The following SAP130 variants were observed in gnomAD, a reference collection of about 807,000 sequenced individuals.
SAP130 encodes the protein histone deacetylase complex subunit SAP130.
SAP130 carries 16 observed loss-of-function variants against 103.2 expected under a neutral mutation model. The observed-to-expected ratio is 0.16, with a 90% CI of 0.10 to 0.24. The LOEUF is 0.24. Among genes scored for constraint, SAP130 ranks in the 10% least tolerant of loss-of-function variants. SAP130 has a pLI of 1.00. For missense variants in SAP130, 990 were observed against 1,359.7 expected (o/e 0.73, Z 4.28); for synonymous variants, 477 against 497.0 (o/e 0.96, Z 0.53).
At chr2:128,014,180 T>C (rs893538898) in intron 5 of SAP130, among the ~76,000 whole-genome samples, 3 of 152,198 alleles carry the variant, frequency 2.0e-5, no homozygotes, top group African/African-American at 7.2e-5. Context: ...TATTAAACCA[T>C]GCTAAAAACA....
rs761595381 is a variant in SAP130, at chr2:128,014,910, T to G, written c.512A>C (p.His171Pro). Reference protein sequence around the residue: ...PVATISGQQGHPSNLHHIMTT... With the variant: ...PVATISGQQGPPSNLHHIMTT... The stretch of plus-strand genomic sequence containing the variant: ...CATGATGTGATGCAGGTTACTGGGA[T>G]GGCCCTGAAAGAAAGAGGATAGAAC... Residue 171 changes from histidine to proline, a missense_variant, in exon 5 of 21, where the codon CAT (histidine) becomes CCT (proline). Transcript: ENST00000643581. 6.2e-7 allele frequency: 1 copy of G among 1,613,204 alleles called. No individual in the cohort carries two copies.
chr2:127,995,498 T>A (rs1249390604), intron 11 of SAP130, among the ~76,000 whole-genome samples: 2 of 152,048 alleles, frequency 1.3e-5, no homozygotes, highest in Non-Finnish European at 2.9e-5. Flanking sequence ...TAAAAAACAG[T>A]AAAATGCTCA....
chr2:128,028,028 A>T lies in SAP130; in HGVS notation c.-95T>A. The T allele has an allele frequency of 7.3e-6, 7 of 958,664 alleles. No homozygotes were observed. In the South Asian group the frequency reaches 3.4e-4, roughly 46 times the overall value. 59.4% of individuals were successfully genotyped at this position (958,664 alleles called of 1,614,324 possible). A position where few individuals can be genotyped will look rare whatever the true frequency, so the allele number is the denominator to read the frequency against. Reference sequence around the variant, plus strand: ...TGGGGCCGACGTCCCCAGGCTCCGGACCCGCAGCCACCGCCGGGGAGCTAG... The same window carrying T: ...TGGGGCCGACGTCCCCAGGCTCCGGTCCCGCAGCCACCGCCGGGGAGCTAG... On this transcript the variant is annotated 5_prime_UTR_variant, in exon 1 of 21. Transcript: ENST00000643581.
chr2:127,979,112 T>C (rs6707284), intron 14 of SAP130, among the ~76,000 whole-genome samples: 43,356 of 152,096 alleles, frequency 0.29, 6,777 homozygotes, highest in Middle Eastern at 0.46. Flanking sequence ...TAAAATCCAG[T>C]GACAAGTATC....
intron 13 of SAP130, among the ~76,000 whole-genome samples, chr2:127,988,193 C>T (rs1296112613): frequency 1.3e-5 from 2 of 152,142 alleles, no homozygotes; most frequent in Admixed American, 1.3e-4. Context: ...GAGGACAAGG[C>T]TGAAGGATAG....
intron 7 of SAP130, among the ~76,000 whole-genome samples, chr2:128,003,805 A>G (rs1033497341): frequency 6.6e-6 from 1 of 152,054 alleles, no homozygotes; most frequent in African/African-American, 2.4e-5. Context: ...TTGGAATTAT[A>G]TACTTACAGA....
At chr2:127,966,187 A>G (rs1680643961) in intron 15 of SAP130, among the ~76,000 whole-genome samples, 1 of 151,610 alleles carries the variant, frequency 6.6e-6, no homozygotes, top group Admixed American at 6.6e-5. Context: ...CTAAAAATAC[A>G]AAAAAATAAG....
rs1188978737 is a variant in SAP130, at chr2:127,955,781, C to T, written c.2064-437G>A. 6.6e-6 allele frequency among the ~76,000 whole-genome samples: 1 copy of T among 152,186 alleles called. No individual in the cohort carries two copies. The highest frequency in any genetic ancestry group is 1.5e-5 in the Non-Finnish European group (1 of 68,044). ...GGGATTACAGGTGTGAGCCACCACA[C>T]CCAGCTCTAATACTCTATTCCTTGA... On this transcript the variant is annotated intron_variant, in intron 15 of 20. Transcript: ENST00000643581. This position sits in a 1 kb window ranked among gnomAD's most constrained non-coding sequence, Gnocchi z 4.9.
At chr2:128,010,228 G>T in intron 7 of SAP130, 41 bp downstream of exon 7, 1 of 1,577,338 alleles carries the variant, frequency 6.3e-7, no homozygotes, top group East Asian at 2.3e-5. Flanking sequence ...TGAAGGAGGA[G>T]GATGGCAGGA....
intron 12 of SAP130, among the ~76,000 whole-genome samples, chr2:127,990,447 A>G (rs559717143): frequency 6.6e-6 from 1 of 152,348 alleles, no homozygotes; most frequent in African/African-American, 2.4e-5. Context: ...AAATAAACAC[A>G]GAGGACTTTT....
chr2:128,016,012 C>T (rs1168004262), intron 4 of SAP130, among the ~76,000 whole-genome samples: 5 of 151,822 alleles, frequency 3.3e-5, no homozygotes, highest in African/African-American at 9.7e-5. Context: ...TGCACATCTG[C>T]TCTCCTCAGA....
At chr2:127,985,182 CAG>C (rs1682284428) in intron 14 of SAP130, among the ~76,000 whole-genome samples, 3 of 152,316 alleles carry the variant, frequency 2.0e-5, no homozygotes, top group African/African-American at 7.2e-5. Flanking sequence ...GGTTATGAGA[CAG>C]AAAGATTTTA....
chr2:128,012,802 T>TC (rs1684494980), intron 6 of SAP130, among the ~76,000 whole-genome samples: 1 of 151,510 alleles, frequency 6.6e-6, no homozygotes, highest in African/African-American at 2.4e-5. Flanking sequence ...CCCCTTCACT[T>TC]CCTCTTCACT....
intron 15 of SAP130, 122 bp downstream of exon 15, chr2:127,977,863 A>T: frequency 1.4e-6 from 1 of 732,468 alleles, no homozygotes. Flanking sequence ...GAGAATAGCC[A>T]CTGCACTCCA....
chr2:127,955,302 C>G lies in SAP130; in HGVS notation c.2106G>C (p.Pro702=), dbSNP rs758520829. ...ATACAGTCTCCATGGACACAGTGACCGGAGTGGCCATAGACACGTGGATTT... is the reference window on the plus strand; with the variant it reads ...ATACAGTCTCCATGGACACAGTGACGGGAGTGGCCATAGACACGTGGATTT... ...KSEIHVSMAT[P]VTVSMETVSN... The change falls in exon 16 of 21, where the codon CCG becomes CCC. Residue 702 remains proline, a synonymous_variant. Coordinates refer to ENST00000643581, the MANE Select transcript of SAP130 (RefSeq NM_001330301.2). The surrounding 1 kb of genome is among the most constrained non-coding windows in gnomAD (Gnocchi z 4.9). 6.2e-7 allele frequency: 1 copy of G among 1,600,982 alleles called. No homozygotes were observed. Among genetic ancestry groups the G allele is most frequent in the Non-Finnish European group, 8.5e-7 (1 of 1,170,246 alleles).
chr2:128,003,041 C>T (rs1228731358), intron 7 of SAP130, among the ~76,000 whole-genome samples: 7 of 151,724 alleles, frequency 4.6e-5, no homozygotes, highest in African/African-American at 1.5e-4. Context: ...GTGGGAGGAT[C>T]GCTTGAGAGC....
rs17015799 is a variant in SAP130, at chr2:127,971,924, T to C, written c.2063+6061A>G. Among the ~76,000 whole-genome samples, 414 of 152,382 alleles carry C rather than the reference T, an allele frequency of 2.7e-3. 2 individuals are homozygous for C. The highest frequency in any genetic ancestry group is 9.6e-3 in the African/African-American group (399 of 41,592). Reference sequence around the variant, plus strand: ...TATGTTTTAATTTTAATTATCTTCATATTAATCCTTTTTTGTTACTCATCA... The same window carrying C: ...TATGTTTTAATTTTAATTATCTTCACATTAATCCTTTTTTGTTACTCATCA... On this transcript the variant is annotated intron_variant, in intron 15 of 20. Transcript: ENST00000643581.
chr2:127,979,136 G>A (rs544452543), intron 14 of SAP130, among the ~76,000 whole-genome samples: 34 of 152,298 alleles, frequency 2.2e-4, no homozygotes, highest in African/African-American at 7.9e-4. Context: ...GTAACAGAAA[G>A]GGAAGGGAGA....
At chr2:127,965,662 C>T (rs1295435860) in intron 15 of SAP130, among the ~76,000 whole-genome samples, 4 of 152,094 alleles carry the variant, frequency 2.6e-5, no homozygotes, top group East Asian at 3.9e-4. Flanking sequence ...TAGTGGCACA[C>T]GCCTGTAATC....
Sources: allele counts gnomAD v4.1 joint callset (sites outside exome capture counted in the v4.1 genomes callset), GRCh38; gene constraint gnomAD v4.1.1; non-coding constraint Gnocchi (gnomAD v3.1); transcripts MANE v1.5; gene names NCBI Gene and HGNC (gene_info 2026-07-23, HGNC 2026-07-21).